PDE1A: variants seen among roughly 807,000 people sequenced by gnomAD.
The protein encoded by PDE1A is phosphodiesterase 1A.
A neutral mutation model predicts 61.7 loss-of-function variants in PDE1A; 35 were observed. The ratio of observed to expected loss-of-function variants is 0.57; its 90% CI spans 0.43 to 0.75. The LOEUF is 0.75. PDE1A is among the 30% of genes least tolerant of loss of function. PDE1A has a pLI of 0.00. For synonymous variants in PDE1A, 232 were observed against 213.2 expected (o/e 1.09, Z -0.77); for missense variants, 597 against 630.6 (o/e 0.95, Z 0.57).
chr2:182,278,215 T>A (rs1693567982), intron 1 of PDE1A, among the ~76,000 whole-genome samples: 1 of 152,026 alleles, frequency 6.6e-6, no homozygotes, highest in Non-Finnish European at 1.5e-5. Flanking sequence ...ATTTTCACAC[T>A]TAAGGATCAC....
chr2:182,310,352 G>A (rs929089853), intron 1 of PDE1A, among the ~76,000 whole-genome samples: 2 of 152,092 alleles, frequency 1.3e-5, no homozygotes, highest in Non-Finnish European at 2.9e-5. Context: ...TTCCTTCAGG[G>A]GGCTATGGAG....
chr2:182,652,218 C>T, the PDE1A span, among the ~76,000 whole-genome samples: 13 of 152,248 alleles, frequency 8.5e-5, no homozygotes, highest in East Asian at 2.3e-3. Flanking sequence ...GTTTTCTCCT[C>T]ACATATATAT....
At chr2:182,615,971 G>A in the PDE1A span, among the ~76,000 whole-genome samples, 1 of 152,202 alleles carries the variant, frequency 6.6e-6, no homozygotes, top group Non-Finnish European at 1.5e-5. Context: ...TGGGGGTTAA[G>A]TTTCCAACAC....
intron 13 of PDE1A, among the ~76,000 whole-genome samples, chr2:182,162,277 C>G (rs1282249001): frequency 6.6e-6 from 1 of 152,066 alleles, no homozygotes; most frequent in Non-Finnish European, 1.5e-5. Flanking sequence ...ATGTCAAAGG[C>G]AAGGTGGGCG....
At chr2:182,414,695 G>A (rs1050550272) in intron 1 of PDE1A, among the ~76,000 whole-genome samples, 3 of 152,126 alleles carry the variant, frequency 2.0e-5, no homozygotes, top group Non-Finnish European at 2.9e-5. Context: ...AGATTCAAGC[G>A]AAGGTCCTTC....
At chr2:182,497,319 A>T (rs1688777176) in intron 2 of PDE1A, among the ~76,000 whole-genome samples, 1 of 152,200 alleles carries the variant, frequency 6.6e-6, no homozygotes, top group Non-Finnish European at 1.5e-5. Flanking sequence ...GACAGCAGAA[A>T]CAAGGGTTTC....
intron 6 of PDE1A, among the ~76,000 whole-genome samples, chr2:182,224,717 T>A (rs1355315928): frequency 2.6e-5 from 4 of 151,938 alleles, no homozygotes; most frequent in East Asian, 1.9e-4. Flanking sequence ...CCCAATATGG[T>A]AACCACATGT....
At chr2:182,242,899 C>CTCT (rs1690647447) in intron 2 of PDE1A, among the ~76,000 whole-genome samples, 7 of 103,682 alleles carry the variant, frequency 6.8e-5, no homozygotes, top group Non-Finnish European at 9.2e-5. Flanking sequence ...TCTCTCTCTC[C>CTCT]CTCTCTCTCT....
chr2:182,462,804 CT>C (rs916624939), intron 2 of PDE1A, among the ~76,000 whole-genome samples: 2 of 151,882 alleles, frequency 1.3e-5, no homozygotes, highest in East Asian at 1.9e-4. Context: ...AACCTTGAAA[CT>C]TTTTTTTATT....
chr2:182,205,187 C>G (rs2125496023), intron 8 of PDE1A, among the ~76,000 whole-genome samples: 1 of 152,118 alleles, frequency 6.6e-6, no homozygotes, highest in African/African-American at 2.4e-5. Flanking sequence ...TTTTTCTGTT[C>G]TTACTATAAG....
At chr2:182,599,989 T>C in the PDE1A span, among the ~76,000 whole-genome samples, 5 of 152,204 alleles carry the variant, frequency 3.3e-5, no homozygotes, top group African/African-American at 1.2e-4. Flanking sequence ...GAAAGTCCCT[T>C]GAAGCCTGGT....
intron 1 of PDE1A, among the ~76,000 whole-genome samples, chr2:182,284,971 T>A (rs1694059026): frequency 1.3e-5 from 2 of 152,142 alleles, no homozygotes; most frequent in Admixed American, 1.3e-4. Flanking sequence ...CTTGGATAGT[T>A]AGCCATGCAC....
chr2:182,426,142 T>C (rs968828937), intron 1 of PDE1A, among the ~76,000 whole-genome samples: 1 of 152,164 alleles, frequency 6.6e-6, no homozygotes, highest in Non-Finnish European at 1.5e-5. Context: ...TCTAGTAAAG[T>C]AGCTATCAAG....
At chr2:182,679,329 G>A in the PDE1A span, among the ~76,000 whole-genome samples, 44 of 148,010 alleles carry the variant, frequency 3.0e-4, no homozygotes, top group African/African-American at 8.2e-4. Flanking sequence ...GACTACAGGC[G>A]CCCGCCACCA....
chr2:182,591,828 T>G, the PDE1A span, among the ~76,000 whole-genome samples: 1 of 152,236 alleles, frequency 6.6e-6, no homozygotes, highest in Non-Finnish European at 1.5e-5. Context: ...GTTGTGCCTA[T>G]GCAACATTTC....
At chr2:182,699,076 A>C in the PDE1A span, among the ~76,000 whole-genome samples, 1 of 152,226 alleles carries the variant, frequency 6.6e-6, no homozygotes, top group Non-Finnish European at 1.5e-5. Flanking sequence ...TTTATCAGTA[A>C]AAATAAATGC....
the PDE1A span, among the ~76,000 whole-genome samples, chr2:182,636,584 T>C: frequency 3.9e-5 from 6 of 152,226 alleles, no homozygotes; most frequent in African/African-American, 1.2e-4. Context: ...AACAAACGTA[T>C]TTTGCTTTCA....
the PDE1A span, among the ~76,000 whole-genome samples, chr2:182,596,695 A>G: frequency 2.0e-5 from 3 of 152,118 alleles, no homozygotes; most frequent in East Asian, 5.8e-4. Flanking sequence ...GGATGGATGG[A>G]TGGATGGATG....
intron 1 of PDE1A, among the ~76,000 whole-genome samples, chr2:182,422,953 A>C (rs1306425619): frequency 1.3e-5 from 2 of 152,156 alleles, no homozygotes; most frequent in African/African-American, 2.4e-5. Flanking sequence ...AAATTATAAA[A>C]CTCAAAGTAT....
Sources: allele counts gnomAD v4.1 joint callset (sites outside exome capture counted in the v4.1 genomes callset), GRCh38; gene constraint gnomAD v4.1.1; transcripts MANE v1.5; gene names NCBI Gene and HGNC (gene_info 2026-07-23, HGNC 2026-07-21).